The following TMCO4 variants were observed in gnomAD, a reference collection of about 807,000 sequenced individuals.
TMCO4 encodes the protein transmembrane and coiled-coil domain-containing protein 4.
Under a neutral mutation model 64.7 loss-of-function variants are expected in TMCO4, and 58 were observed. The observed-to-expected ratio is 0.90, with a 90% CI of 0.73 to 1.12. TMCO4 has a LOEUF of 1.12. Ranked by LOEUF, TMCO4 falls within the 50% of genes most tolerant of loss-of-function variation. The probability of loss-of-function intolerance (pLI) is 0.00; values close to 1 mark genes in which losing one functional copy is unlikely to be tolerated. For synonymous variants in TMCO4, 325 were observed against 346.1 expected (o/e 0.94, Z 0.68); for missense variants, 780 against 825.9 (o/e 0.94, Z 0.68).
intron 3 of TMCO4, 64 bp from the exon 4 acceptor site, chr1:19,780,830 C>T: frequency 7.4e-7 from 1 of 1,346,204 alleles, no homozygotes; most frequent in East Asian, 2.5e-5. Flanking sequence ...TTAAGCATGA[C>T]ACAGAACTTA....
chr1:19,753,556 G>A lies in TMCO4; in HGVS notation c.515+2078C>T, dbSNP rs367732428. On this transcript the variant is annotated intron_variant, in intron 7 of 15. Coordinates refer to ENST00000294543, the MANE Select transcript of TMCO4 (RefSeq NM_181719.7). ...TCAGCTGCAAAGAGTCACCTTGGTC[G>A]GCCCAGTGATGAACTCACCTCCCAG... 1.7e-4 allele frequency among the ~76,000 whole-genome samples: 26 copies of A among 152,230 alleles called. No homozygotes were observed. The East Asian group carries it at 2.7e-3, about 16-fold the overall frequency.
chr1:19,694,998 C>T (rs184647548), intron 14 of TMCO4, among the ~76,000 whole-genome samples: 62 of 152,328 alleles, frequency 4.1e-4, no homozygotes, highest in African/African-American at 1.5e-3. Context: ...AGAGAAGGTC[C>T]ACCTGTGAGG....
At chr1:19,704,639 T>G (rs775024842) in intron 13 of TMCO4, among the ~76,000 whole-genome samples, 14 of 152,248 alleles carry the variant, frequency 9.2e-5, no homozygotes, top group Non-Finnish European at 1.9e-4. Context: ...GCGCCTTCTC[T>G]GCCTGGCAGA....
chr1:19,773,459 C>A (rs1012187930), intron 4 of TMCO4, among the ~76,000 whole-genome samples: 1 of 152,198 alleles, frequency 6.6e-6, no homozygotes, highest in Non-Finnish European at 1.5e-5. Context: ...CAGGCCTTTA[C>A]AGCTGTGCAT....
chr1:19,790,100 C>A (rs1162191364), intron 2 of TMCO4, among the ~76,000 whole-genome samples: 2 of 150,290 alleles, frequency 1.3e-5, no homozygotes, highest in East Asian at 3.9e-4. Flanking sequence ...GTAAATGATG[C>A]TGGGAGAACT....
At chr1:19,740,606 T>C in intron 11 of TMCO4, among the ~76,000 whole-genome samples, 171 bp downstream of exon 11, 1 of 152,238 alleles carries the variant, frequency 6.6e-6, no homozygotes, top group Non-Finnish European at 1.5e-5. Context: ...CTTCTCTCCA[T>C]AGGGATCATA....
chr1:19,724,365 T>C (rs1570767602), intron 13 of TMCO4, among the ~76,000 whole-genome samples: 1 of 152,170 alleles, frequency 6.6e-6, no homozygotes, highest in South Asian at 2.1e-4. Context: ...TGAACCCAGG[T>C]TCACTATTTG....
chr1:19,780,054 G>A (rs1437019060), intron 4 of TMCO4, among the ~76,000 whole-genome samples: 3 of 152,086 alleles, frequency 2.0e-5, no homozygotes, highest in African/African-American at 7.2e-5. Flanking sequence ...ATTTTTCCAG[G>A]GACCCGGCGC....
At chr1:19,733,821 A>G (rs2095441055) in intron 13 of TMCO4, among the ~76,000 whole-genome samples, 2 of 152,088 alleles carry the variant, frequency 1.3e-5, no homozygotes, top group Non-Finnish European at 2.9e-5. Flanking sequence ...TAGGGTGAAG[A>G]TCGCACAATC....
chr1:19,744,435 A>G (rs1004115939), intron 10 of TMCO4, among the ~76,000 whole-genome samples: 4 of 152,208 alleles, frequency 2.6e-5, no homozygotes, highest in Non-Finnish European at 2.9e-5. Context: ...GTTCCACTTT[A>G]CAAATGAAGT....
rs1405005214 is a variant in TMCO4 at position 19,755,539 on chromosome 1, A to T, written c.515+95T>A. 3 of 1,540,478 alleles carry T rather than the reference A, an allele frequency of 1.9e-6. No homozygotes were observed. In the East Asian group the frequency reaches 6.8e-5, roughly 35 times the overall value. ...TCCAGGGCTCCTTCCACCTCACTAC[A>T]CCATCTCTTAAAGGGAGAAGGGGAC... is the stretch of plus-strand genomic sequence containing the variant. On this transcript the variant is annotated intron_variant, in intron 7 of 15. Coordinates refer to ENST00000294543, the MANE Select transcript of TMCO4 (RefSeq NM_181719.7).
intron 8 of TMCO4, 75 bp downstream of exon 8, chr1:19,747,088 C>T: frequency 6.6e-7 from 1 of 1,504,612 alleles, no homozygotes; most frequent in Non-Finnish European, 9.2e-7. Flanking sequence ...GCACTCTCCA[C>T]TCTCACCCAC....
intron 13 of TMCO4, 45 bp downstream of exon 13, chr1:19,737,327 C>A (rs776867358): frequency 3.8e-6 from 6 of 1,581,572 alleles, no homozygotes; most frequent in African/African-American, 1.3e-5. Flanking sequence ...TCCCTGGGAA[C>A]AAGCTTGTGA....
intron 13 of TMCO4, 37 bp downstream of exon 13, chr1:19,737,335 T>C: frequency 1.3e-6 from 2 of 1,591,616 alleles, no homozygotes; most frequent in Non-Finnish European, 1.7e-6. Flanking sequence ...AACAAGCTTG[T>C]GAAGGGTTTC....
intron 13 of TMCO4, 185 bp from the exon 14 acceptor site, chr1:19,701,070 G>A: frequency 1.8e-6 from 1 of 556,288 alleles, no homozygotes; most frequent in Non-Finnish European, 3.2e-6. Flanking sequence ...GGATAGGCAT[G>A]GAGGCTTCTA....
intron 6 of TMCO4, among the ~76,000 whole-genome samples, chr1:19,757,500 C>G (rs2042319435): frequency 6.6e-6 from 1 of 152,158 alleles, no homozygotes; most frequent in Admixed American, 6.5e-5. Context: ...TGTAATCACA[C>G]CTGCAAAGTC....
At chr1:19,722,922 C>T (rs1002846774) in intron 13 of TMCO4, among the ~76,000 whole-genome samples, 3 of 152,080 alleles carry the variant, frequency 2.0e-5, no homozygotes, top group Non-Finnish European at 4.4e-5. Context: ...CCCAGGCCTC[C>T]TCCTATTGCT....
At position 19,739,880 on chromosome 1, in the gene TMCO4, GGA is replaced by G. The variant is rs545681408; in HGVS notation, c.1121_1122del (p.Leu374ProfsTer218). The G allele has an allele frequency of 4.8e-4, 774 of 1,613,914 alleles. 1 individual carries two copies. Among genetic ancestry groups the G allele is most frequent in the Non-Finnish European group, 6.2e-4 (736 of 1,179,988 alleles). On this transcript the variant is annotated frameshift_variant, in exon 12 of 16. Coordinates refer to ENST00000294543, the MANE Select transcript of TMCO4 (RefSeq NM_181719.7). LOFTEE classifies it high-confidence loss of function. ...NVIDNPWGVCLHRSAEVGKHL... is the reference protein window; with the variant it reads ...NVIDNPWGVCXHRSAEVGKHL... ...TGCTTGCCAACCTCTGCTGATCGAT[GGA>G]GACACACCCCCCAGGGGTTGTCGAT...
chr1:19,726,450 C>A (rs753450597), intron 13 of TMCO4, among the ~76,000 whole-genome samples: 1 of 151,398 alleles, frequency 6.6e-6, no homozygotes, highest in Non-Finnish European at 1.5e-5. Context: ...GGGGACAGAG[C>A]GAGACTCTGT....
Sources: gnomAD v4.1 joint callset for allele counts (sites outside exome capture counted in the v4.1 genomes callset) on GRCh38, gnomAD v4.1.1 for gene constraint, MANE v1.5 for transcripts, NCBI Gene and HGNC (gene_info 2026-07-23, HGNC 2026-07-21) for gene names.